The following CDH8 variants were observed in gnomAD, a reference collection of about 807,000 sequenced individuals.
CDH8 encodes the protein cadherin 8.
Under a neutral mutation model 68.1 loss-of-function variants are expected in CDH8, and 17 were observed. The observed-to-expected ratio is 0.25, with a 90% CI of 0.17 to 0.37. CDH8 has a LOEUF of 0.37. Ranked by LOEUF, CDH8 falls within the 10% of genes least tolerant of loss-of-function variation. CDH8 has a pLI of 1.00. For missense variants in CDH8, 763 were observed against 999.3 expected, an observed-to-expected ratio of 0.76 and a Z score of 3.19; for synonymous variants, 372 against 365.1, an observed-to-expected ratio of 1.02 and a Z score of -0.21.
At chr16:61,692,021 GGGT>G (rs1964234683) in intron 10 of CDH8, 1 of 152,030 alleles carries the variant, frequency 6.6e-6, no homozygotes, top group Non-Finnish European at 1.5e-5. Flanking sequence ...CCTAAGGGTT[GGGT>G]ACCCATATAA....
chr16:62,023,770 C>T lies in CDH8; in HGVS notation c.-199-2168G>A, dbSNP rs192388670. Among the ~76,000 whole-genome samples, 148 of 152,256 alleles carry T rather than the reference C, an allele frequency of 9.7e-4. 2 individuals carry two copies. The highest frequency in any genetic ancestry group is 9.5e-3 in the Admixed American group (145 of 15,298). On this transcript the variant is annotated intron_variant, in intron 1 of 11. Coordinates refer to ENST00000577390, the MANE Select transcript of CDH8 (RefSeq NM_001796.5). ...GCCATTTAACACACATGGGGAGATCCATTCTAGTCATGGAGGCTCAGCCTA... is the reference window on the plus strand; with the variant it reads ...GCCATTTAACACACATGGGGAGATCTATTCTAGTCATGGAGGCTCAGCCTA...
chr16:62,014,373 G>T (rs141344334), intron 2 of CDH8, among the ~76,000 whole-genome samples: 2 of 152,232 alleles, frequency 1.3e-5, no homozygotes, highest in Non-Finnish European at 2.9e-5. Flanking sequence ...TTGTTGTCTG[G>T]CCAGGTTGAG....
rs139686636 is a variant in CDH8, at chr16:61,910,610, T to C, written c.253-9137A>G. Among the ~76,000 whole-genome samples the C allele has an allele frequency of 5.2e-3, 797 of 152,274 alleles. 6 individuals are homozygous for C. The highest frequency in any genetic ancestry group is 0.018 in the African/African-American group (768 of 41,554). Reference sequence around the variant, plus strand: ...TTGCAAGATAGTTTAATAACAGTACTTGTCCTTTAGAGTTCTTGTCATTAT... The same window carrying C: ...TTGCAAGATAGTTTAATAACAGTACCTGTCCTTTAGAGTTCTTGTCATTAT... On this transcript the variant is annotated intron_variant, in intron 2 of 11. Coordinates refer to ENST00000577390, the MANE Select transcript of CDH8 (RefSeq NM_001796.5).
chr16:61,979,417 T>C (rs1255433318), intron 2 of CDH8, among the ~76,000 whole-genome samples: 1 of 152,202 alleles, frequency 6.6e-6, no homozygotes, highest in Non-Finnish European at 1.5e-5. Flanking sequence ...CATCAACAGA[T>C]ACTTTGCATG....
intron 3 of CDH8, among the ~76,000 whole-genome samples, chr16:61,875,432 C>T (rs1423561212): frequency 2.0e-5 from 3 of 152,080 alleles, no homozygotes; most frequent in Non-Finnish European, 4.4e-5. Context: ...ACTGATCCTC[C>T]GTGTAATTCA....
chr16:61,762,826 A>G (rs1054677856), intron 8 of CDH8, among the ~76,000 whole-genome samples: 4 of 152,182 alleles, frequency 2.6e-5, no homozygotes, highest in Admixed American at 2.6e-4. Flanking sequence ...CATCACCTAG[A>G]GGCTTTTTAG....
chr16:62,021,115 C>G (rs1902062647), intron 2 of CDH8, 37 bp downstream of exon 2: 1 of 1,580,572 alleles, frequency 6.3e-7, no homozygotes, highest in Non-Finnish European at 8.7e-7. Flanking sequence ...AGACCACTAA[C>G]AGACCCTGAA....
chr16:62,020,488 A>ACG (rs929634462), intron 2 of CDH8, among the ~76,000 whole-genome samples: 51 of 98,104 alleles, frequency 5.2e-4, no homozygotes, highest in South Asian at 8.1e-4. Context: ...TAACACACAC[A>ACG]CGCGCGCGCG....
intron 4 of CDH8, among the ~76,000 whole-genome samples, chr16:61,855,192 T>C (rs1050730825): frequency 2.0e-5 from 3 of 152,126 alleles, no homozygotes; most frequent in African/African-American, 4.8e-5. Context: ...ATCTGTCAGA[T>C]TGGAAGTGAT....
intron 8 of CDH8, among the ~76,000 whole-genome samples, chr16:61,744,039 G>C (rs1959951908): frequency 6.6e-6 from 1 of 152,042 alleles, no homozygotes; most frequent in Non-Finnish European, 1.5e-5. Flanking sequence ...CATGTGTTGA[G>C]AGTTGTTTTA....
chr16:61,862,430 G>T (rs536740438), intron 3 of CDH8, among the ~76,000 whole-genome samples: 1 of 152,144 alleles, frequency 6.6e-6, no homozygotes, highest in Admixed American at 6.6e-5. Flanking sequence ...CTGGGCTGGG[G>T]ACTGCAACAG....
At chr16:62,031,497 C>A (rs1199700108) in intron 1 of CDH8, among the ~76,000 whole-genome samples, 1 of 152,072 alleles carries the variant, frequency 6.6e-6, no homozygotes, top group Non-Finnish European at 1.5e-5. Flanking sequence ...CTGTGCTTAG[C>A]CCTGAACCAT....
chr16:61,894,515 GACTT>G (rs1395581564), intron 3 of CDH8, among the ~76,000 whole-genome samples: 3 of 152,112 alleles, frequency 2.0e-5, no homozygotes, highest in Non-Finnish European at 4.4e-5. Flanking sequence ...CATACAGGAA[GACTT>G]ACTTAGGAGA....
chr16:61,900,152 G>A (rs150129167), intron 3 of CDH8, among the ~76,000 whole-genome samples: 2,222 of 151,378 alleles, frequency 0.015, 15 homozygotes, highest in Non-Finnish European at 0.022. Context: ...ATTTTTTCTC[G>A]CAGTTCCTTT....
Position 62,004,581 on chromosome 16 carries a change from TTCAGAAATGTA to T in CDH8, c.252+16560_252+16570del, listed in dbSNP as rs534558486. On this transcript the variant is annotated intron_variant, in intron 2 of 11. Transcript: ENST00000577390. ...GCTGTGTTGAAAACTTGCTAATGGT[TTCAGAAATGTA>T]TCCTAATCATCGTTTTCTAATTCTG... Among the ~76,000 whole-genome samples the T allele has an allele frequency of 4.8e-3, 730 of 152,330 alleles. 7 individuals carry two copies. Among genetic ancestry groups the T allele is most frequent in the African/African-American group, 0.016 (650 of 41,570 alleles).
intron 2 of CDH8, among the ~76,000 whole-genome samples, chr16:61,948,568 C>T (rs894715272): frequency 6.6e-6 from 1 of 152,106 alleles, no homozygotes; most frequent in Non-Finnish European, 1.5e-5. Flanking sequence ...GAGATAAGAA[C>T]TTAACAAGGA....
chr16:61,750,633 C>G (rs1960136367), intron 8 of CDH8, among the ~76,000 whole-genome samples: 1 of 152,030 alleles, frequency 6.6e-6, no homozygotes. Flanking sequence ...TCAAGTTTTC[C>G]TCCAACTAAA....
chr16:61,716,007 C>T (rs1474448091), intron 9 of CDH8, among the ~76,000 whole-genome samples: 1 of 151,684 alleles, frequency 6.6e-6, no homozygotes, highest in Non-Finnish European at 1.5e-5. Flanking sequence ...GCAGCTCCTT[C>T]TCCATTTACC....
intron 10 of CDH8, among the ~76,000 whole-genome samples, chr16:61,695,125 A>C (rs1331060120): frequency 1.3e-5 from 2 of 151,864 alleles, no homozygotes; most frequent in Non-Finnish European, 2.9e-5. Context: ...GCTGTACACA[A>C]ATTCCCATAA....
Sources: gnomAD v4.1 joint callset for allele counts (sites outside exome capture counted in the v4.1 genomes callset) on GRCh38, gnomAD v4.1.1 for gene constraint, MANE v1.5 for transcripts, NCBI Gene and HGNC (gene_info 2026-07-23, HGNC 2026-07-21) for gene names.